The following SEMA6D variants were observed in gnomAD, a reference collection of about 807,000 sequenced individuals.
SEMA6D encodes the protein semaphorin 6D, also known as semaphorin-6D.
SEMA6D carries 35 observed loss-of-function variants against 106.6 expected under a neutral mutation model. The ratio of observed to expected loss-of-function variants is 0.33; its 90% CI spans 0.25 to 0.44. The LOEUF is 0.44. SEMA6D is among the 20% of genes least tolerant of loss of function. The pLI, the probability that SEMA6D is intolerant of heterozygous loss-of-function variation, is 1.00. For synonymous variants in SEMA6D, 499 were observed against 487.7 expected, an observed-to-expected ratio of 1.02 and a Z score of -0.31; for missense variants, 1,185 against 1,345.9, an observed-to-expected ratio of 0.88 and a Z score of 1.87.
chr15:47,592,054 G>A (rs1037415473), intron 3 of SEMA6D, among the ~76,000 whole-genome samples: 44 of 152,134 alleles, frequency 2.9e-4, no homozygotes, highest in African/African-American at 1.1e-3. Flanking sequence ...TGCTGTCAGT[G>A]GCATTCTTAT....
At chr15:47,414,982 G>A (rs1277319572) in intron 2 of SEMA6D, among the ~76,000 whole-genome samples, 4 of 152,104 alleles carry the variant, frequency 2.6e-5, no homozygotes, top group African/African-American at 7.2e-5. Flanking sequence ...TCTATTCTCT[G>A]TAGACTTAGC....
intron 2 of SEMA6D, among the ~76,000 whole-genome samples, chr15:47,436,417 T>C (rs1376295912): frequency 6.6e-6 from 1 of 151,594 alleles, no homozygotes; most frequent in African/African-American, 2.4e-5. Flanking sequence ...AAAAAGACTT[T>C]GGCTGTATTA....
At chr15:47,351,129 G>T (rs574114013) in intron 1 of SEMA6D, among the ~76,000 whole-genome samples, 1 of 151,954 alleles carries the variant, frequency 6.6e-6, no homozygotes, top group African/African-American at 2.4e-5. Flanking sequence ...TCTGCATATC[G>T]CCTTCTTCCT....
rs76488510 is a variant in SEMA6D at position 47,297,079 on chromosome 15, A to G, written c.-239+112661A>G. ...GATATTTTGTCTTATTCAAGGGCAC[A>G]CAAACCGCAGCCAGAATTCCCCATT... On this transcript the variant is annotated intron_variant, in intron 1 of 19. Transcript: ENST00000558014. Among the ~76,000 whole-genome samples the G allele has an allele frequency of 5.9e-5, 9 of 152,348 alleles. No individual in the cohort carries two copies. The East Asian group carries it at 7.7e-4, about 13-fold the overall frequency.
intron 2 of SEMA6D, among the ~76,000 whole-genome samples, chr15:47,454,184 G>A (rs369759754): frequency 1.3e-5 from 2 of 151,884 alleles, no homozygotes; most frequent in East Asian, 1.9e-4. Context: ...AGAATCAAAG[G>A]CTGTGAATTC....
intron 3 of SEMA6D, among the ~76,000 whole-genome samples, chr15:47,529,723 G>C (rs374692378): frequency 6.6e-6 from 1 of 151,096 alleles, no homozygotes; most frequent in East Asian, 1.9e-4. Context: ...AAAGAGCTTT[G>C]TTCCACAAAT....
chr15:47,757,137 A>C (rs77741014), intron 1 of SEMA6D, among the ~76,000 whole-genome samples: 1 of 151,622 alleles, frequency 6.6e-6, no homozygotes, highest in Non-Finnish European at 1.5e-5. Flanking sequence ...GCTGAGAGAC[A>C]CTCTTCCTGG....
rs144268245 is a variant in SEMA6D at position 47,763,451 on chromosome 15, G to A, written c.747+347G>A. On this transcript the variant is annotated intron_variant, in intron 9 of 18. Coordinates refer to ENST00000536845, the MANE Select transcript of SEMA6D (RefSeq NM_001358351.3). ...TCAGCGTCAAAAGACAGGATAGAAA[G>A]TAGCGACCCCATTCAATTTTTAGTG... Among the ~76,000 whole-genome samples, 595 of 152,268 alleles carry A rather than the reference G, an allele frequency of 3.9e-3. 3 individuals are homozygous for A. The highest frequency in any genetic ancestry group is 0.014 in the African/African-American group (575 of 41,556).
At chr15:47,658,828 C>G (rs1452106507) in intron 4 of SEMA6D, among the ~76,000 whole-genome samples, 1 of 151,814 alleles carries the variant, frequency 6.6e-6, no homozygotes, top group Non-Finnish European at 1.5e-5. Context: ...TTCCCTAGAT[C>G]CACAAACACA....
intron 4 of SEMA6D, among the ~76,000 whole-genome samples, chr15:47,601,268 T>G (rs1328663284): frequency 1.3e-5 from 2 of 152,108 alleles, no homozygotes; most frequent in Non-Finnish European, 2.9e-5. Flanking sequence ...CAAAGCCTAT[T>G]TTGGAAGAAT....
intron 1 of SEMA6D, chr15:47,339,006 A>G (rs763542621): frequency 3.3e-5 from 5 of 152,190 alleles, no homozygotes; most frequent in African/African-American, 4.8e-5. Flanking sequence ...TTTTTGTCCA[A>G]TCACATTGCT....
At chr15:47,187,804 G>A (rs1311026963) in intron 1 of SEMA6D, among the ~76,000 whole-genome samples, 2 of 152,020 alleles carry the variant, frequency 1.3e-5, no homozygotes, top group Non-Finnish European at 2.9e-5. Flanking sequence ...TTGAAAACGT[G>A]GGAATTAGTG....
intron 2 of SEMA6D, 48 bp downstream of exon 2, chr15:47,759,955 T>C (rs777647558): frequency 1.5e-6 from 2 of 1,364,224 alleles, no homozygotes; most frequent in South Asian, 2.4e-5. Flanking sequence ...GAAGCTTTTC[T>C]GTTTTTCATT....
chr15:47,236,091 A>C (rs2032520340), intron 1 of SEMA6D, among the ~76,000 whole-genome samples: 1 of 152,162 alleles, frequency 6.6e-6, no homozygotes, highest in Non-Finnish European at 1.5e-5. Flanking sequence ...TGCTTGTGTT[A>C]AAAATGTTAT....
At chr15:47,765,355 G>A in intron 13 of SEMA6D, 1 of 1,159,182 alleles carries the variant, frequency 8.6e-7, no homozygotes, top group Non-Finnish European at 1.1e-6. Context: ...GATGCTACAT[G>A]CAGCAGACAG....
At chr15:47,334,072 T>C (rs1950991015) in intron 1 of SEMA6D, among the ~76,000 whole-genome samples, 1 of 152,174 alleles carries the variant, frequency 6.6e-6, no homozygotes, top group African/African-American at 2.4e-5. Context: ...TTATCACATT[T>C]CTACGTGGTT....
intron 2 of SEMA6D, among the ~76,000 whole-genome samples, chr15:47,453,249 T>G (rs1483444727): frequency 6.6e-6 from 1 of 151,558 alleles, no homozygotes; most frequent in East Asian, 1.9e-4. Flanking sequence ...TAAATTTAAT[T>G]AATTTATTTT....
chr15:47,519,775 A>G (rs1344156705), intron 3 of SEMA6D, among the ~76,000 whole-genome samples: 8 of 152,192 alleles, frequency 5.3e-5, no homozygotes, highest in Non-Finnish European at 1.5e-5. Flanking sequence ...TGACATTTAT[A>G]TCATATTAGT....
At chr15:47,190,435 G>A (rs1216014363) in intron 1 of SEMA6D, among the ~76,000 whole-genome samples, 1 of 152,184 alleles carries the variant, frequency 6.6e-6, no homozygotes, top group Non-Finnish European at 1.5e-5. Flanking sequence ...AATGGCAATT[G>A]AGGCTTCTTT....
Sources: allele counts gnomAD v4.1 joint callset (sites outside exome capture counted in the v4.1 genomes callset), GRCh38; gene constraint gnomAD v4.1.1; transcripts MANE v1.5; gene names NCBI Gene and HGNC (gene_info 2026-07-23, HGNC 2026-07-21).